Variants in PLEKHA5 observed in about 807,000 individuals in gnomAD.
PLEKHA5 encodes pleckstrin homology domain-containing family A member 5.
Under a neutral mutation model 181.9 loss-of-function variants are expected in PLEKHA5, and 55 were observed. The observed-to-expected ratio is 0.30, with a 90% CI of 0.24 to 0.38. The LOEUF (loss-of-function observed/expected upper bound fraction) is 0.38. PLEKHA5 is among the 10% of genes least tolerant of loss of function. The pLI is 1.00. For missense variants in PLEKHA5, 1,432 were observed against 1,549.5 expected (o/e 0.92, Z 1.27); for synonymous variants, 535 against 529.4 (o/e 1.01, Z -0.15).
At chr12:19,147,660 G>A (rs1055534588) in intron 3 of PLEKHA5, among the ~76,000 whole-genome samples, 1 of 151,914 alleles carries the variant, frequency 6.6e-6, no homozygotes, top group African/African-American at 2.4e-5. Context: ...CAGTAAAGGG[G>A]GATGGTGGAG....
intron 28 of PLEKHA5, among the ~76,000 whole-genome samples, chr12:19,361,215 G>A (rs898354496): frequency 6.6e-6 from 1 of 151,804 alleles, no homozygotes; most frequent in Non-Finnish European, 1.5e-5. Flanking sequence ...ACGGAGTCTC[G>A]CTCTGTCACC....
At chr12:19,334,827 AAAATATATATATATATATATATAT>A (rs2093211007) in intron 20 of PLEKHA5, among the ~76,000 whole-genome samples, 1 of 16,578 alleles carries the variant, frequency 6.0e-5, no homozygotes, top group African/African-American at 1.3e-4. Context: ...ACAAAAAAAA[AAAATATATATATATATATATATAT>A]ATATATATAT....
intron 7 of PLEKHA5, among the ~76,000 whole-genome samples, chr12:19,263,969 C>T (rs2069430002): frequency 6.6e-6 from 1 of 152,114 alleles, no homozygotes; most frequent in African/African-American, 2.4e-5. Context: ...ACAGTGCTTC[C>T]ATCAGGCTTG....
At chr12:19,236,995 A>T (rs1408361781) in intron 3 of PLEKHA5, 1 of 152,176 alleles carries the variant, frequency 6.6e-6, no homozygotes, top group Non-Finnish European at 1.5e-5. Context: ...TTTTGCCTGT[A>T]ATTGAATATC....
chr12:19,165,518 C>T (rs2044140456), intron 3 of PLEKHA5, among the ~76,000 whole-genome samples: 1 of 151,376 alleles, frequency 6.6e-6, no homozygotes, highest in African/African-American at 2.4e-5. Flanking sequence ...ATGTTATGGC[C>T]TCCTAGACAT....
chr12:19,170,421 C>G (rs1355070459), intron 3 of PLEKHA5, among the ~76,000 whole-genome samples: 3 of 113,574 alleles, frequency 2.6e-5, no homozygotes, highest in African/African-American at 9.2e-5. Context: ...CGTAACAATT[C>G]AGAAGACTTT....
intron 10 of PLEKHA5, among the ~76,000 whole-genome samples, chr12:19,274,227 G>A (rs1006340852): frequency 1.6e-4 from 25 of 152,070 alleles, no homozygotes; most frequent in African/African-American, 6.0e-4. Flanking sequence ...CTGTCATAAG[G>A]CAATCTTAAT....
At chr12:19,136,572 ATG>A in intron 3 of PLEKHA5, among the ~76,000 whole-genome samples, 1 of 152,254 alleles carries the variant, frequency 6.6e-6, no homozygotes, top group Non-Finnish European at 1.5e-5. Flanking sequence ...CTTAAAATGG[ATG>A]TGTCATTTAC....
chr12:19,247,351 A>T (rs925370256), intron 3 of PLEKHA5, among the ~76,000 whole-genome samples: 2 of 152,228 alleles, frequency 1.3e-5, no homozygotes, highest in Admixed American at 6.5e-5. Context: ...GCTCAGAACT[A>T]AGATGTCTGC....
At chr12:19,282,802 A>G (rs2076462786) in intron 11 of PLEKHA5, among the ~76,000 whole-genome samples, 2 of 152,194 alleles carry the variant, frequency 1.3e-5, no homozygotes, top group African/African-American at 2.4e-5. Flanking sequence ...ATTGATATAG[A>G]TGCTGTTTAT....
At chr12:19,152,519 A>G (rs1200219969) in intron 3 of PLEKHA5, 1 of 152,178 alleles carries the variant, frequency 6.6e-6, no homozygotes, top group Non-Finnish European at 1.5e-5. Flanking sequence ...GTATAATATA[A>G]ATTGCCCATG....
At chr12:19,352,960 T>TTC (rs71064094) in intron 25 of PLEKHA5, among the ~76,000 whole-genome samples, 2 of 150,192 alleles carry the variant, frequency 1.3e-5, no homozygotes, top group Non-Finnish European at 3.0e-5. Flanking sequence ...TTTTTTTTTT[T>TTC]CAATTTTTTT....
intron 3 of PLEKHA5, among the ~76,000 whole-genome samples, chr12:19,221,423 C>G (rs1381754694): frequency 1.3e-5 from 2 of 152,104 alleles, no homozygotes; most frequent in Admixed American, 1.3e-4. Context: ...TATTCCCATA[C>G]ACGTTCTGGA....
intron 21 of PLEKHA5, among the ~76,000 whole-genome samples, chr12:19,342,525 A>G (rs573683678): frequency 1.3e-5 from 2 of 152,258 alleles, no homozygotes; most frequent in Admixed American, 6.5e-5. Flanking sequence ...GTGTGGTGGC[A>G]CATGCCTGTA....
chr12:19,160,770 TAA>T (rs538634100), intron 3 of PLEKHA5, among the ~76,000 whole-genome samples: 1 of 152,134 alleles, frequency 6.6e-6, no homozygotes, highest in Non-Finnish European at 1.5e-5. Flanking sequence ...TATATAATAA[TAA>T]ACAGTGCTGG....
chr12:19,324,671 AGAAGT>A (rs1473962760), intron 20 of PLEKHA5, among the ~76,000 whole-genome samples: 1 of 152,194 alleles, frequency 6.6e-6, no homozygotes, highest in Non-Finnish European at 1.5e-5. Flanking sequence ...CAATGAGAAG[AGAAGT>A]GAAGAGTGGT....
intron 13 of PLEKHA5, among the ~76,000 whole-genome samples, chr12:19,289,487 T>A (rs1362441798): frequency 6.7e-6 from 1 of 148,288 alleles, no homozygotes; most frequent in Non-Finnish European, 1.5e-5. Flanking sequence ...TTTTTAAGAG[T>A]ACATTGCAGC....
At chr12:19,279,729 G>A (rs2075570449) in intron 11 of PLEKHA5, among the ~76,000 whole-genome samples, 1 of 149,272 alleles carries the variant, frequency 6.7e-6, no homozygotes, top group Non-Finnish European at 1.5e-5. Flanking sequence ...CCCCTACCCT[G>A]CCCCCAATAT....
At chr12:19,230,457 AG>A (rs752088736) in intron 3 of PLEKHA5, among the ~76,000 whole-genome samples, 3 of 152,010 alleles carry the variant, frequency 2.0e-5, no homozygotes, top group Non-Finnish European at 4.4e-5. Context: ...CCCATGGCGG[AG>A]GGGAGGCTCG....
Sources: allele counts gnomAD v4.1 joint callset (sites outside exome capture counted in the v4.1 genomes callset), GRCh38; gene constraint gnomAD v4.1.1; transcripts MANE v1.5; gene names NCBI Gene and HGNC (gene_info 2026-07-23, HGNC 2026-07-21).